The following ZCCHC14 variants were observed in gnomAD, a reference collection of about 807,000 sequenced individuals.
ZCCHC14 encodes zinc finger CCHC-type containing 14.
ZCCHC14 carries 16 observed loss-of-function variants against 85.0 expected under a neutral mutation model. The observed-to-expected ratio is 0.19, with a 90% CI of 0.13 to 0.29. ZCCHC14 has a LOEUF of 0.29. Ranked by LOEUF, ZCCHC14 falls within the 10% of genes least tolerant of loss-of-function variation. ZCCHC14 has a pLI of 1.00. For synonymous variants in ZCCHC14, 775 were observed against 630.7 expected, an observed-to-expected ratio of 1.23 and a Z score of -3.43; for missense variants, 1,303 against 1,443.5, an observed-to-expected ratio of 0.90 and a Z score of 1.58.
intron 3 of ZCCHC14, among the ~76,000 whole-genome samples, chr16:87,431,003 G>C (rs116927089): frequency 6.6e-6 from 1 of 152,240 alleles, no homozygotes; most frequent in Non-Finnish European, 1.5e-5. Context: ...AGCTGGGTAT[G>C]GTGGCATGTG....
intron 2 of ZCCHC14, among the ~76,000 whole-genome samples, chr16:87,433,684 T>G (rs1301266090): frequency 6.6e-6 from 1 of 152,138 alleles, no homozygotes; most frequent in East Asian, 1.9e-4. Flanking sequence ...CTTTTTTTTT[T>G]GAGACGGAGT....
rs116337491 is a variant in ZCCHC14, at chr16:87,407,682, T to G, written c.*2598A>C. 425 of 152,342 alleles carry G rather than the reference T, an allele frequency of 2.8e-3. 2 individuals are homozygous for G. Among genetic ancestry groups the G allele is most frequent in the African/African-American group, 9.9e-3 (410 of 41,584 alleles). The allele number at this position is 152,342 out of a possible 1,614,324, so 9.4% of individuals were successfully genotyped here. ...CATGGCCAGTGCCACACCTACCTGG[T>G]TGCCACAGCATTCTGAAACAGACCA... On this transcript the variant is annotated 3_prime_UTR_variant, in exon 13 of 13. Coordinates refer to ENST00000671377, the MANE Select transcript of ZCCHC14 (RefSeq NM_015144.3).
intron 1 of ZCCHC14, among the ~76,000 whole-genome samples, chr16:87,463,825 A>G (rs1245837218): frequency 1.3e-5 from 2 of 152,114 alleles, no homozygotes; most frequent in African/African-American, 4.8e-5. Flanking sequence ...ACTCCGTCTC[A>G]GGAGAAAAAA....
rs1284537423 is a variant in ZCCHC14 at position 87,491,223 on chromosome 16, G to A, written c.570+446C>T. 6.6e-6 allele frequency among the ~76,000 whole-genome samples: 1 copy of A among 152,240 alleles called. No individual in the cohort carries two copies. The highest frequency in any genetic ancestry group is 2.4e-5 in the African/African-American group (1 of 41,470). On this transcript the variant is annotated intron_variant, in intron 1 of 12. Coordinates refer to ENST00000671377, the MANE Select transcript of ZCCHC14 (RefSeq NM_015144.3). The surrounding 1 kb of genome is among the most constrained non-coding windows in gnomAD (Gnocchi z 5.9). ...TCCCGCACCGCTCCCGCGGATCCTCGGACCCAGGGCCCCTGCAGCCGCTCC... is the reference window on the plus strand; with the variant it reads ...TCCCGCACCGCTCCCGCGGATCCTCAGACCCAGGGCCCCTGCAGCCGCTCC...
At chr16:87,454,945 G>A (rs955217603) in intron 2 of ZCCHC14, among the ~76,000 whole-genome samples, 2 of 152,194 alleles carry the variant, frequency 1.3e-5, no homozygotes, top group Non-Finnish European at 2.9e-5. Context: ...GCTCTGCCAC[G>A]GCTGACGACA....
intron 1 of ZCCHC14, among the ~76,000 whole-genome samples, chr16:87,485,806 G>A (rs1912491524): frequency 6.6e-6 from 1 of 152,092 alleles, no homozygotes; most frequent in Admixed American, 6.6e-5. Flanking sequence ...AGATTTGTTG[G>A]AAAAGCATGT....
At chr16:87,438,327 A>T (rs1215904772) in intron 2 of ZCCHC14, among the ~76,000 whole-genome samples, 1 of 152,258 alleles carries the variant, frequency 6.6e-6, no homozygotes, top group Non-Finnish European at 1.5e-5. Flanking sequence ...ATGCATGTAC[A>T]AGAATGATAT....
chr16:87,484,435 G>T (rs986903125), intron 1 of ZCCHC14, among the ~76,000 whole-genome samples: 4 of 152,228 alleles, frequency 2.6e-5, no homozygotes, highest in African/African-American at 9.6e-5. Flanking sequence ...GCAGGTCACA[G>T]GACGCTGAGG....
intron 2 of ZCCHC14, among the ~76,000 whole-genome samples, chr16:87,433,470 C>T (rs1237415670): frequency 1.3e-5 from 2 of 152,170 alleles, no homozygotes; most frequent in Non-Finnish European, 2.9e-5. Context: ...TACAGACACA[C>T]GTTTATGGAC....
intron 2 of ZCCHC14, among the ~76,000 whole-genome samples, chr16:87,446,863 T>C (rs1186564400): frequency 2.6e-5 from 4 of 152,060 alleles, no homozygotes; most frequent in Admixed American, 2.0e-4. Context: ...TTTTTGTATT[T>C]TTAGTAGAGA....
Position 87,414,512 on chromosome 16 carries a change from G to A in ZCCHC14, c.1505C>T (p.Pro502Leu). The A allele has an allele frequency of 1.2e-6, 2 of 1,612,916 alleles. No homozygotes were observed. The highest frequency in any genetic ancestry group is 2.2e-5 in the East Asian group (1 of 44,866). Reference sequence around the variant, plus strand: ...GCTGGTGACCAGCGGCGGGGCCGAGGGGTTCAGGCACCGTCTCTCTGACTT... The same window carrying A: ...GCTGGTGACCAGCGGCGGGGCCGAGAGGTTCAGGCACCGTCTCTCTGACTT... ...KEKSERRCLN[P>L]SAPPLVTSSG... The change falls in exon 10 of 13, where the codon CCC (proline) becomes CTC (leucine). Residue 502 changes from proline to leucine, a missense_variant. Around this residue, in one of 7 missense-constraint regions of ZCCHC14, gnomAD observed 58 missense variants for 88.2 expected, o/e 0.66. Coordinates refer to ENST00000671377, the MANE Select transcript of ZCCHC14 (RefSeq NM_015144.3).
At chr16:87,484,770 G>A (rs529851260) in intron 1 of ZCCHC14, among the ~76,000 whole-genome samples, 12 of 152,244 alleles carry the variant, frequency 7.9e-5, no homozygotes, top group Admixed American at 6.5e-4. Context: ...GGCTGGTAGA[G>A]GTGAGTGGTG....
Position 87,412,210 on chromosome 16 carries a change from G to A in ZCCHC14, c.2511C>T (p.Phe837=), listed in dbSNP as rs767273153. The part of the protein sequence containing the change: ...SMPVGPLQGG[F]CANSNTASPS... ...GAGAGGCAGTGTTGCTGTTTGCACA[G>A]AAGCCACCCTGCAGGGGGCCCACTG... Residue 837 remains phenylalanine, a synonymous_variant, in exon 12 of 13, where the codon TTC becomes TTT. Coordinates refer to ENST00000671377, the MANE Select transcript of ZCCHC14 (RefSeq NM_015144.3). 6.2e-7 allele frequency: 1 copy of A among 1,613,996 alleles called. No homozygotes were observed. The highest frequency in any genetic ancestry group is 2.2e-5 in the East Asian group (1 of 44,886).
intron 2 of ZCCHC14, among the ~76,000 whole-genome samples, chr16:87,435,765 A>G (rs1049191364): frequency 4.6e-5 from 7 of 152,238 alleles, no homozygotes; most frequent in Admixed American, 2.6e-4. Context: ...TTAAGCTTAA[A>G]ATAGCACCTC....
At position 87,460,067 on chromosome 16, in the gene ZCCHC14, G is replaced by T; in HGVS notation, c.635C>A (p.Thr212Lys). Residue 212 changes from threonine (T) to lysine (K), a missense_variant, in exon 2 of 13, where the codon ACA becomes AAA. By Grantham distance (78) the Thr-to-Lys change is moderately conservative (BLOSUM62 -1). Transcript: ENST00000671377. ...CGACTCCTCCGTGGAATGTGCTGAT[G>T]TGTGCAGGGCATTCTCCAAACTATT... Reference protein sequence around the residue: ...VSNSLENALHTSAHSTEESLP... With the variant: ...VSNSLENALHKSAHSTEESLP... 2.5e-6 allele frequency: 4 copies of T among 1,614,210 alleles called. No homozygotes were observed. The highest frequency in any genetic ancestry group is 3.4e-6 in the Non-Finnish European group (4 of 1,180,028).
intron 1 of ZCCHC14, among the ~76,000 whole-genome samples, chr16:87,465,966 C>A (rs1227410395): frequency 6.6e-6 from 1 of 152,116 alleles, no homozygotes. Context: ...CGCAACGTCC[C>A]TTTAGATGGG....
In ZCCHC14 at chr16:87,406,602, C is replaced by G. The variant is rs78333183; in HGVS notation, c.*3678G>C. The G allele has an allele frequency of 4.6e-5, 7 of 152,290 alleles. No individual in the cohort carries two copies. The highest frequency in any genetic ancestry group is 7.3e-5 in the Non-Finnish European group (5 of 68,036). The allele number at this position is 152,290 out of a possible 1,614,324, so 9.4% of individuals were successfully genotyped here. ...TACCAAAGCCTTCTCTTTTTGTGCACGTAAGACTCACACATGTGATGAGGG... is the reference window on the plus strand; with the variant it reads ...TACCAAAGCCTTCTCTTTTTGTGCAGGTAAGACTCACACATGTGATGAGGG... On this transcript the variant is annotated 3_prime_UTR_variant, in exon 13 of 13. Coordinates refer to ENST00000671377, the MANE Select transcript of ZCCHC14 (RefSeq NM_015144.3).
intron 2 of ZCCHC14, among the ~76,000 whole-genome samples, chr16:87,448,122 A>G (rs1457170118): frequency 1.3e-5 from 2 of 152,210 alleles, no homozygotes; most frequent in African/African-American, 4.8e-5. Flanking sequence ...CTTCACAATC[A>G]TTAACGTCTT....
chr16:87,465,825 T>C (rs1167856861), intron 1 of ZCCHC14, among the ~76,000 whole-genome samples: 5 of 152,092 alleles, frequency 3.3e-5, no homozygotes, highest in East Asian at 1.9e-4. Flanking sequence ...CCTCCTCTTA[T>C]TTTTTTATTA....
Sources: allele counts gnomAD v4.1 joint callset (sites outside exome capture counted in the v4.1 genomes callset), GRCh38; gene constraint gnomAD v4.1.1; regional missense constraint gnomAD v4.1.1; non-coding constraint Gnocchi (gnomAD v3.1); transcripts MANE v1.5; gene names NCBI Gene and HGNC (gene_info 2026-07-23, HGNC 2026-07-21).